CACUL1: variants seen among roughly 807,000 people sequenced by gnomAD.
The protein encoded by CACUL1 is CDK2-associated and cullin domain-containing protein 1.
In CACUL1, 13 loss-of-function variants were observed where a neutral mutation model predicts 45.2. The observed-to-expected ratio is 0.29, with a 90% CI of 0.19 to 0.46. The LOEUF (loss-of-function observed/expected upper bound fraction) is 0.46, where lower values mean the gene tolerates loss of function less well. CACUL1 is among the 20% of genes least tolerant of loss of function. CACUL1 has a pLI of 1.00. For synonymous variants in CACUL1, 197 were observed against 174.2 expected (o/e 1.13, Z -1.03); for missense variants, 421 against 471.4 (o/e 0.89, Z 0.99).
At chr10:118,709,020 C>T (rs568753836) in intron 3 of CACUL1, among the ~76,000 whole-genome samples, 1 of 152,172 alleles carries the variant, frequency 6.6e-6, no homozygotes, top group African/African-American at 2.4e-5. Flanking sequence ...ACCAATATTG[C>T]CTACTGTTGA....
At chr10:118,748,457 T>C (rs1463493465) in intron 1 of CACUL1, among the ~76,000 whole-genome samples, 1 of 152,094 alleles carries the variant, frequency 6.6e-6, no homozygotes, top group Non-Finnish European at 1.5e-5. Context: ...ACTATGCAAA[T>C]ATAGCAATTC....
rs1272141756 is a variant in CACUL1 at position 118,682,399 on chromosome 10, A to G, written c.*3729T>C. The G allele has an allele frequency of 2.0e-5, 3 of 152,274 alleles. No homozygotes were observed. The highest frequency in any genetic ancestry group is 2.0e-4 in the Admixed American group (3 of 15,284). The allele number at this position is 152,274 out of a possible 1,614,324, so 9.4% of individuals were successfully genotyped here. A position where few individuals can be genotyped will look rare whatever the true frequency, so the allele number is the denominator to read the frequency against. On this transcript the variant is annotated 3_prime_UTR_variant, in exon 9 of 9. Coordinates refer to ENST00000369151, the MANE Select transcript of CACUL1 (RefSeq NM_153810.5). The stretch of plus-strand genomic sequence containing the variant: ...AAATAATTAACTGCTATAAAACGGG[A>G]AAAAAAGTAGAAGAAAATAAAGCCA...
At chr10:118,733,211 G>T (rs1342771006) in intron 1 of CACUL1, among the ~76,000 whole-genome samples, 2 of 152,058 alleles carry the variant, frequency 1.3e-5, no homozygotes, top group African/African-American at 4.8e-5. Context: ...TACAGAATGG[G>T]GACTCACTAC....
chr10:118,687,091 T>C (rs1407088562), intron 7 of CACUL1, among the ~76,000 whole-genome samples: 1 of 152,214 alleles, frequency 6.6e-6, no homozygotes, highest in Admixed American at 6.5e-5. Flanking sequence ...GTTTCAGTAA[T>C]GCCACAGCAC....
intron 3 of CACUL1, among the ~76,000 whole-genome samples, chr10:118,709,393 CTAAAT>C (rs749477134): frequency 2.2e-4 from 34 of 152,322 alleles, no homozygotes; most frequent in Non-Finnish European, 4.6e-4. Context: ...TTCTCTAAAG[CTAAAT>C]TAATTAGGTC....
In CACUL1 at chr10:118,725,998, G is replaced by A. The variant is rs565193367; in HGVS notation, c.597+3297C>T. ...TGCCCTTGACTGAGGCTGACGCCCT[G>A]TAGGTCCAAATCATTGATTTATCAA... is the stretch of plus-strand genomic sequence containing the variant. On this transcript the variant is annotated intron_variant, in intron 3 of 8. Transcript: ENST00000369151. Among the ~76,000 whole-genome samples the A allele has an allele frequency of 5.3e-5, 8 of 152,282 alleles. No individual in the cohort carries two copies. In the East Asian group the frequency reaches 1.2e-3, roughly 22 times the overall value.
chr10:118,732,921 T>C (rs1167055179), intron 1 of CACUL1, among the ~76,000 whole-genome samples: 2 of 152,196 alleles, frequency 1.3e-5, no homozygotes, highest in Non-Finnish European at 1.5e-5. Flanking sequence ...CCCTTATCAG[T>C]GTACCACCTA....
intron 3 of CACUL1, among the ~76,000 whole-genome samples, chr10:118,712,170 C>T (rs2119600762): frequency 6.6e-6 from 1 of 152,330 alleles, no homozygotes; most frequent in Admixed American, 6.5e-5. Flanking sequence ...ACCCCTCTGG[C>T]AGGTGGCGCC....
At chr10:118,701,873 T>C (rs1286161216) in intron 4 of CACUL1, among the ~76,000 whole-genome samples, 2 of 152,130 alleles carry the variant, frequency 1.3e-5, no homozygotes, top group Admixed American at 1.3e-4. Context: ...GGGGACCACC[T>C]TTGGTTCAGA....
At position 118,706,421 on chromosome 10, in the gene CACUL1, A is replaced by C. The variant is rs117221066; in HGVS notation, c.693+1071T>G. On this transcript the variant is annotated intron_variant, in intron 4 of 8. Transcript: ENST00000369151. ...AATGTTTGCTCTATCAGTACAGGAC[A>C]TTTAGTTAACACACTCCTGATCAAT... 8.6e-3 allele frequency among the ~76,000 whole-genome samples: 1,316 copies of C among 152,326 alleles called. 5 individuals are homozygous for C. Among genetic ancestry groups the C allele is most frequent in the South Asian group, 0.025 (122 of 4,830 alleles).
Position 118,733,461 on chromosome 10 carries a change from G to A in CACUL1, c.368-3051C>T, listed in dbSNP as rs529198110. 3.9e-5 allele frequency among the ~76,000 whole-genome samples: 6 copies of A among 152,022 alleles called. No homozygotes were observed. The South Asian group carries it at 1.0e-3, about 26-fold the overall frequency. On this transcript the variant is annotated intron_variant, in intron 1 of 8. Transcript: ENST00000369151. ...CTAGCTAACATAACTTTCTTCCCAGGAAGGTTCTTCATAACCATCTGCAGT... is the reference window on the plus strand; with the variant it reads ...CTAGCTAACATAACTTTCTTCCCAGAAAGGTTCTTCATAACCATCTGCAGT...
intron 3 of CACUL1, chr10:118,726,462 G>T: frequency 2.4e-6 from 1 of 413,802 alleles, no homozygotes; most frequent in Non-Finnish European, 4.3e-6. Context: ...AAGGGCCTGT[G>T]AAGTAGTCAG....
At chr10:118,693,701 C>T in intron 6 of CACUL1, 1 of 456,606 alleles carries the variant, frequency 2.2e-6, no homozygotes, top group Non-Finnish European at 4.4e-6. Flanking sequence ...CTGGTACACA[C>T]ACTATTTCAG....
intron 3 of CACUL1, 52 bp from the exon 4 acceptor site, chr10:118,707,639 T>C: frequency 1.3e-6 from 1 of 789,524 alleles, no homozygotes; most frequent in Non-Finnish European, 2.1e-6. Context: ...GGAAAGACCT[T>C]CCACCATAAT....
At chr10:118,712,894 C>G in intron 3 of CACUL1, among the ~76,000 whole-genome samples, 1 of 152,244 alleles carries the variant, frequency 6.6e-6, no homozygotes, top group East Asian at 1.9e-4. Flanking sequence ...CAAGTTCCCA[C>G]TCCAGTCTGT....
intron 8 of CACUL1, 30 bp from the exon 9 acceptor site, chr10:118,686,198 T>A: frequency 6.3e-7 from 1 of 1,587,250 alleles, no homozygotes; most frequent in Non-Finnish European, 8.6e-7. Flanking sequence ...GGAAAAAGTA[T>A]GAAGAGCAGA....
At chr10:118,695,048 A>G (rs1343085612) in intron 6 of CACUL1, 93 bp downstream of exon 6, 2 of 782,792 alleles carry the variant, frequency 2.6e-6, no homozygotes, top group Admixed American at 1.9e-5. Flanking sequence ...TCCAAGTACC[A>G]TTAAGCCTCA....
intron 1 of CACUL1, among the ~76,000 whole-genome samples, chr10:118,733,123 G>A (rs956225762): frequency 3.9e-5 from 6 of 152,138 alleles, no homozygotes; most frequent in South Asian, 2.1e-4. Context: ...CACAGGCTTC[G>A]CACTTTAGCA....
chr10:118,696,320 TA>T (rs930021736), intron 5 of CACUL1, among the ~76,000 whole-genome samples: 31 of 151,470 alleles, frequency 2.0e-4, no homozygotes, highest in African/African-American at 6.3e-4. Context: ...CTGATGAGCT[TA>T]AAAAAAAATT....
Sources: gnomAD v4.1 joint callset for allele counts (sites outside exome capture counted in the v4.1 genomes callset) on GRCh38, gnomAD v4.1.1 for gene constraint, MANE v1.5 for transcripts, NCBI Gene and HGNC (gene_info 2026-07-23, HGNC 2026-07-21) for gene names.